Variants in LY86 observed in about 807,000 individuals in gnomAD.
The protein encoded by LY86 is lymphocyte antigen 86, also known as MD-1, RP105-associated.
A neutral mutation model predicts 17.3 loss-of-function variants in LY86; 20 were observed. The ratio of observed to expected loss-of-function variants is 1.15; its 90% CI spans 0.81 to 1.68. LY86 has a LOEUF of 1.68. Among genes scored for constraint, LY86 ranks in the 40% most tolerant of loss-of-function variants. The probability of loss-of-function intolerance (pLI) is 0.00; values close to 1 mark genes in which losing one functional copy is unlikely to be tolerated. For missense variants in LY86, 200 were observed against 191.9 expected, an observed-to-expected ratio of 1.04 and a Z score of -0.25; for synonymous variants, 74 against 70.6, an observed-to-expected ratio of 1.05 and a Z score of -0.24.
At chr6:6,611,840 C>T (rs9405949) in intron 1 of LY86, among the ~76,000 whole-genome samples, 36,289 of 152,134 alleles carry the variant, frequency 0.24, 4,408 homozygotes, top group East Asian at 0.37. Context: ...GCTTTTGTCT[C>T]TCCTGTCAAT....
chr6:6,622,480 G>A (rs1224003318), intron 1 of LY86, among the ~76,000 whole-genome samples: 1 of 152,084 alleles, frequency 6.6e-6, no homozygotes, highest in East Asian at 1.9e-4. Context: ...CCAACCCCCT[G>A]CTCCTATTTT....
At chr6:6,616,943 T>C (rs1038762750) in intron 1 of LY86, among the ~76,000 whole-genome samples, 1 of 152,216 alleles carries the variant, frequency 6.6e-6, no homozygotes, top group African/African-American at 2.4e-5. Flanking sequence ...GTCACCAGTG[T>C]CATGGTTCCC....
In LY86 at chr6:6,626,160, A is replaced by G. The variant is rs575525912; in HGVS notation, c.224-133A>G. The stretch of plus-strand genomic sequence containing the variant: ...AATGCTGTTTTACCAAGGAAAGAAG[A>G]AAACTGTTCCCCACACAGAGAAGAT... On this transcript the variant is annotated intron_variant, in intron 2 of 4. Coordinates refer to ENST00000230568, the MANE Select transcript of LY86 (RefSeq NM_004271.4). 4.8e-6 allele frequency: 4 copies of G among 841,268 alleles called. No homozygotes were observed. In the East Asian group the frequency reaches 7.9e-5, roughly 17 times the overall value. 52.1% of individuals were successfully genotyped at this position (841,268 alleles called of 1,614,324 possible).
rs1396881304 is a variant in LY86, at chr6:6,588,883, A to G, written c.136+13A>G. The G allele has an allele frequency of 3.1e-6, 5 of 1,613,092 alleles. No individual in the cohort carries two copies. In the Admixed American group the frequency reaches 8.3e-5, roughly 27 times the overall value. ...TACCAGAGTTGCGGTAAGCCCTTGC[A>G]GTACACCCATGTGTGTTTATGGGGA... is the stretch of plus-strand genomic sequence containing the variant. On this transcript the variant is annotated intron_variant, in intron 1 of 4. Transcript: ENST00000230568.
chr6:6,635,576 T>C lies in LY86; in HGVS notation c.352+9155T>C, dbSNP rs533020315. Among the ~76,000 whole-genome samples the C allele has an allele frequency of 2.6e-5, 4 of 152,306 alleles. No homozygotes were observed. In the South Asian group the frequency reaches 8.3e-4, roughly 32 times the overall value. On this transcript the variant is annotated intron_variant, in intron 3 of 4. Coordinates refer to ENST00000230568, the MANE Select transcript of LY86 (RefSeq NM_004271.4). ...TGTCTACTGTACATGTTTTCTAGGG[T>C]ATCACCTATGTTATACTTGTTTGCT...
chr6:6,603,482 AAT>A lies in LY86; in HGVS notation c.136+14615_136+14616del, dbSNP rs1310237535. 3.3e-5 allele frequency among the ~76,000 whole-genome samples: 5 copies of A among 152,154 alleles called. No individual in the cohort carries two copies. In the South Asian group the frequency reaches 8.3e-4, roughly 25 times the overall value. On this transcript the variant is annotated intron_variant, in intron 1 of 4. Coordinates refer to ENST00000230568, the MANE Select transcript of LY86 (RefSeq NM_004271.4). ...TAAAGTATCTGAAAATAATGGATAA[AAT>A]ATGACAGAAATCTTTTAAATATATA...
chr6:6,630,799 C>T (rs986477507), intron 3 of LY86, among the ~76,000 whole-genome samples: 4 of 152,090 alleles, frequency 2.6e-5, no homozygotes, highest in African/African-American at 9.7e-5. Flanking sequence ...GCGACTGAGC[C>T]CTGAAATGTA....
chr6:6,597,913 C>G (rs991369124), intron 1 of LY86, among the ~76,000 whole-genome samples: 2 of 152,264 alleles, frequency 1.3e-5, no homozygotes, highest in African/African-American at 4.8e-5. Context: ...CTGACACCTT[C>G]CCTTCTGGCC....
intron 3 of LY86, among the ~76,000 whole-genome samples, chr6:6,647,045 A>G (rs759126533): frequency 5.9e-5 from 9 of 152,226 alleles, no homozygotes; most frequent in African/African-American, 1.9e-4. Context: ...CTCGCCATCT[A>G]GTGCCCCCTA....
chr6:6,639,349 T>G (rs1762006657), intron 3 of LY86, among the ~76,000 whole-genome samples: 1 of 151,862 alleles, frequency 6.6e-6, no homozygotes, highest in African/African-American at 2.4e-5. Context: ...CCTTGTCCCT[T>G]CTCAGGCTCA....
chr6:6,613,338 G>C (rs116491519), intron 1 of LY86, among the ~76,000 whole-genome samples: 3 of 152,170 alleles, frequency 2.0e-5, no homozygotes, highest in East Asian at 3.9e-4. Flanking sequence ...GGCGCTGCTC[G>C]TCGGGGAGGC....
chr6:6,651,865 G>A (rs1762191488), intron 4 of LY86, among the ~76,000 whole-genome samples: 1 of 151,848 alleles, frequency 6.6e-6, no homozygotes, highest in Admixed American at 6.6e-5. Flanking sequence ...AGACCAGCCT[G>A]GCTAACATGG....
intron 1 of LY86, among the ~76,000 whole-genome samples, chr6:6,605,321 TGGG>T (rs966103977): frequency 6.6e-6 from 1 of 152,196 alleles, no homozygotes; most frequent in African/African-American, 2.4e-5. Context: ...GTGGTTTAGT[TGGG>T]GGTCTCTGGG....
At chr6:6,600,450 G>A (rs780607562) in intron 1 of LY86, among the ~76,000 whole-genome samples, 1 of 151,886 alleles carries the variant, frequency 6.6e-6, no homozygotes, top group Non-Finnish European at 1.5e-5. Context: ...AATTAGCCAG[G>A]TGTGGTGGTG....
chr6:6,610,501 A>G (rs1404414454), intron 1 of LY86, among the ~76,000 whole-genome samples: 1 of 151,978 alleles, frequency 6.6e-6, no homozygotes, highest in East Asian at 1.9e-4. Flanking sequence ...AGCTTAAAAT[A>G]GTGCTCAGTT....
At chr6:6,644,790 G>A (rs1762086907) in intron 3 of LY86, among the ~76,000 whole-genome samples, 1 of 152,118 alleles carries the variant, frequency 6.6e-6, no homozygotes, top group African/African-American at 2.4e-5. Context: ...ATATACTGGG[G>A]CTCTTTTTAT....
intron 1 of LY86, among the ~76,000 whole-genome samples, chr6:6,604,844 A>G (rs913345003): frequency 7.2e-5 from 11 of 151,858 alleles, no homozygotes; most frequent in East Asian, 5.8e-4. Context: ...AAAGGAAAAA[A>G]AAAAATGGTA....
chr6:6,651,577 C>T (rs1762187444), intron 4 of LY86, among the ~76,000 whole-genome samples: 1 of 152,178 alleles, frequency 6.6e-6, no homozygotes, highest in Non-Finnish European at 1.5e-5. Context: ...TAAATCTTTG[C>T]TATTTGAATT....
intron 3 of LY86, among the ~76,000 whole-genome samples, chr6:6,643,348 A>G (rs1287215849): frequency 1.3e-5 from 2 of 152,260 alleles, no homozygotes; most frequent in Admixed American, 1.3e-4. Context: ...AAAAAGAAAG[A>G]AATTCTGCCA....
Sources: allele counts gnomAD v4.1 joint callset (sites outside exome capture counted in the v4.1 genomes callset), GRCh38; gene constraint gnomAD v4.1.1; transcripts MANE v1.5; gene names NCBI Gene and HGNC (gene_info 2026-07-23, HGNC 2026-07-21).